Variants in USP49 observed in about 807,000 individuals in gnomAD.
The protein encoded by USP49 is ubiquitin carboxyl-terminal hydrolase 49.
A neutral mutation model predicts 58.6 loss-of-function variants in USP49; 24 were observed. The observed-to-expected ratio is 0.41, with a 90% CI of 0.30 to 0.58. The LOEUF (loss-of-function observed/expected upper bound fraction) is 0.58. Ranked by LOEUF, USP49 falls within the 20% of genes least tolerant of loss-of-function variation. The probability of loss-of-function intolerance (pLI) is 0.30; values close to 1 mark genes in which losing one functional copy is unlikely to be tolerated. For missense variants in USP49, 703 were observed against 866.1 expected, an observed-to-expected ratio of 0.81 and a Z score of 2.36; for synonymous variants, 408 against 365.1, an observed-to-expected ratio of 1.12 and a Z score of -1.34.
At chr6:41,824,169 T>C (rs1773498391) in intron 3 of USP49, among the ~76,000 whole-genome samples, 2 of 152,176 alleles carry the variant, frequency 1.3e-5, no homozygotes, top group South Asian at 4.1e-4. Flanking sequence ...GTTTTCAGCA[T>C]CTTACAGTAA....
chr6:41,879,387 C>A (rs1774563586), intron 2 of USP49, among the ~76,000 whole-genome samples: 1 of 152,028 alleles, frequency 6.6e-6, no homozygotes, highest in African/African-American at 2.4e-5. Context: ...TGCCACCACA[C>A]CTGGTTAATT....
Position 41,851,641 on chromosome 6 carries a change from T to A in USP49, c.-29+19923A>T, listed in dbSNP as rs117671891. ...TGTTGAAAGTTCTAGTCAGTGCAATTAGGCAAATTGGAAAAGAAGTAAATT... is the reference window on the plus strand; with the variant it reads ...TGTTGAAAGTTCTAGTCAGTGCAATAAGGCAAATTGGAAAAGAAGTAAATT... On this transcript the variant is annotated intron_variant, in intron 3 of 7. Coordinates refer to ENST00000682992, the MANE Select transcript of USP49 (RefSeq NM_001286554.2). Among the ~76,000 whole-genome samples, 76 of 152,262 alleles carry A rather than the reference T, an allele frequency of 5.0e-4. No homozygotes were observed. In the East Asian group the frequency reaches 0.012, roughly 25 times the overall value.
intron 1 of USP49, among the ~76,000 whole-genome samples, chr6:41,894,919 C>A (rs1774870842): frequency 6.6e-6 from 1 of 151,908 alleles, no homozygotes; most frequent in Admixed American, 6.5e-5. Context: ...TCATCGCCTC[C>A]AAGCCTTCCT....
At chr6:41,863,061 G>A (rs1208382691) in intron 3 of USP49, among the ~76,000 whole-genome samples, 2 of 152,108 alleles carry the variant, frequency 1.3e-5, no homozygotes, top group Non-Finnish European at 2.9e-5. Context: ...ACAGATGTGA[G>A]CCACCGCACC....
chr6:41,834,616 G>A (rs2395795), intron 3 of USP49, among the ~76,000 whole-genome samples: 29,756 of 152,006 alleles, frequency 0.2, 3,323 homozygotes, highest in East Asian at 0.29. Context: ...GTGTTCTCAC[G>A]AGATCCAGTT....
intron 3 of USP49, among the ~76,000 whole-genome samples, chr6:41,817,751 G>A (rs548722437): frequency 6.6e-6 from 1 of 152,252 alleles, no homozygotes; most frequent in Non-Finnish European, 1.5e-5. Flanking sequence ...AAGTAGCTGG[G>A]ACTACAGGTG....
intron 3 of USP49, among the ~76,000 whole-genome samples, chr6:41,828,164 G>A (rs574342659): frequency 3.9e-4 from 59 of 152,210 alleles, no homozygotes; most frequent in African/African-American, 1.4e-3. Flanking sequence ...CTAAGCTGCG[G>A]CTGGGCGTGG....
intron 3 of USP49, among the ~76,000 whole-genome samples, chr6:41,842,154 T>TA (rs1488347297): frequency 6.6e-6 from 1 of 151,956 alleles, no homozygotes; most frequent in Non-Finnish European, 1.5e-5. Context: ...ACATTTGCCT[T>TA]AAAAAACTAG....
chr6:41,796,973 A>T (rs1772897842), intron 7 of USP49, among the ~76,000 whole-genome samples: 1 of 129,732 alleles, frequency 7.7e-6, no homozygotes, highest in Non-Finnish European at 1.6e-5. Flanking sequence ...TTTTTGAGAC[A>T]GAGTCTCGCT....
At chr6:41,815,192 G>C (rs1054868712) in intron 3 of USP49, among the ~76,000 whole-genome samples, 1 of 152,048 alleles carries the variant, frequency 6.6e-6, no homozygotes, top group South Asian at 2.1e-4. Flanking sequence ...AGGCCGAGAC[G>C]GGAGGATCAT....
chr6:41,839,212 G>A (rs1022139176), intron 3 of USP49, among the ~76,000 whole-genome samples: 1 of 151,774 alleles, frequency 6.6e-6, no homozygotes, highest in Non-Finnish European at 1.5e-5. Context: ...TGTGAGACCA[G>A]CCTGGGCAAC....
At chr6:41,817,955 CATA>C (rs1773386687) in intron 3 of USP49, among the ~76,000 whole-genome samples, 1 of 152,150 alleles carries the variant, frequency 6.6e-6, no homozygotes, top group South Asian at 2.1e-4. Context: ...TGAATTTTCA[CATA>C]ATAATATCTG....
rs1213313493 is a variant in USP49, at chr6:41,794,316, TATA to T, written c.*2214_*2216del. 4 of 152,220 alleles carry T rather than the reference TATA, an allele frequency of 2.6e-5. No homozygotes were observed. The highest frequency in any genetic ancestry group is 1.9e-4 in the East Asian group (1 of 5,200). 9.4% of individuals were successfully genotyped at this position (152,220 alleles called of 1,614,324 possible). A position where few individuals can be genotyped will look rare whatever the true frequency, so the allele number is the denominator to read the frequency against. ...GTCCTTAATCTGCTTAATAAATCCTTATAATATTTGGTATAAAACTATTTTTAA... is the reference window on the plus strand; with the variant it reads ...GTCCTTAATCTGCTTAATAAATCCTTATATTTGGTATAAAACTATTTTTAA... On this transcript the variant is annotated 3_prime_UTR_variant, in exon 8 of 8. Transcript: ENST00000682992.
intron 5 of USP49, among the ~76,000 whole-genome samples, chr6:41,802,414 TTTA>T (rs1561902510): frequency 5.3e-4 from 69 of 129,176 alleles, no homozygotes; most frequent in African/African-American, 1.8e-3. Flanking sequence ...TATTTTTTAT[TTTA>T]TTTTATTTTA....
chr6:41,834,818 A>G (rs1350847950), intron 3 of USP49, among the ~76,000 whole-genome samples: 4 of 152,200 alleles, frequency 2.6e-5, no homozygotes, highest in African/African-American at 9.6e-5. Flanking sequence ...ACCCAGTCTC[A>G]GGTATTTCTT....
At chr6:41,884,359 A>G (rs1258806881) in intron 2 of USP49, among the ~76,000 whole-genome samples, 4 of 152,184 alleles carry the variant, frequency 2.6e-5, no homozygotes, top group Admixed American at 2.6e-4. Flanking sequence ...CTCACTGAAA[A>G]AAGTAAAAAC....
At chr6:41,867,473 G>A (rs1774337617) in intron 3 of USP49, among the ~76,000 whole-genome samples, 1 of 151,934 alleles carries the variant, frequency 6.6e-6, no homozygotes, top group Non-Finnish European at 1.5e-5. Context: ...GCCGGGCGCG[G>A]TGGCTCAAGC....
chr6:41,825,365 T>G (rs779137635), intron 3 of USP49, among the ~76,000 whole-genome samples: 17 of 152,008 alleles, frequency 1.1e-4, no homozygotes, highest in African/African-American at 4.1e-4. Flanking sequence ...GCATGAATCA[T>G]TGCCTGAGAT....
chr6:41,829,820 T>C (rs912569391), intron 3 of USP49, among the ~76,000 whole-genome samples: 1 of 152,230 alleles, frequency 6.6e-6, no homozygotes, highest in Non-Finnish European at 1.5e-5. Flanking sequence ...AAGGAAGTTT[T>C]GGTTAACTTT....
Sources: allele counts gnomAD v4.1 joint callset (sites outside exome capture counted in the v4.1 genomes callset), GRCh38; gene constraint gnomAD v4.1.1; transcripts MANE v1.5; gene names NCBI Gene and HGNC (gene_info 2026-07-23, HGNC 2026-07-21).